Variants in PBX3 observed in about 807,000 individuals in gnomAD.
PBX3 encodes pre-B-cell leukemia transcription factor 3.
A neutral mutation model predicts 48.5 loss-of-function variants in PBX3; 14 were observed. The observed-to-expected ratio is 0.29, with a 90% CI of 0.19 to 0.45. PBX3 has a LOEUF of 0.45. PBX3 is among the 20% of genes least tolerant of loss of function. The pLI, the probability that PBX3 is intolerant of heterozygous loss-of-function variation, is 1.00. For synonymous variants in PBX3, 210 were observed against 200.3 expected (o/e 1.05, Z -0.41); for missense variants, 386 against 546.7 (o/e 0.71, Z 2.93).
chr9:125,915,621 C>A, intron 2 of PBX3, 65 bp from the exon 3 acceptor site: 1 of 1,234,054 alleles, frequency 8.1e-7, no homozygotes, highest in Non-Finnish European at 1.1e-6. Flanking sequence ...AAACAAAATA[C>A]TCACACTATT....
intron 2 of PBX3, among the ~76,000 whole-genome samples, chr9:125,876,912 G>C (rs558404150): frequency 6.6e-6 from 1 of 151,626 alleles, no homozygotes; most frequent in Admixed American, 6.6e-5. Flanking sequence ...AGCCTCCCAG[G>C]TAGCTGGCAT....
intron 2 of PBX3, among the ~76,000 whole-genome samples, chr9:125,910,915 G>C (rs1466100376): frequency 1.3e-5 from 2 of 151,986 alleles, no homozygotes; most frequent in African/African-American, 4.8e-5. Flanking sequence ...AAATATTCCA[G>C]ATCTTTCTCT....
intron 2 of PBX3, among the ~76,000 whole-genome samples, chr9:125,761,529 T>A (rs1443535211): frequency 1.3e-5 from 2 of 152,122 alleles, no homozygotes; most frequent in Admixed American, 1.3e-4. Flanking sequence ...TCAGGTGTAT[T>A]ATGGCTTTTG....
intron 3 of PBX3, among the ~76,000 whole-genome samples, chr9:125,928,412 G>A (rs1028175968): frequency 8.1e-5 from 12 of 148,288 alleles, no homozygotes; most frequent in African/African-American, 3.1e-4. Context: ...GTGTGTGTGT[G>A]TGTGTGTGTG....
intron 3 of PBX3, among the ~76,000 whole-genome samples, chr9:125,920,654 T>C (rs1029772961): frequency 2.0e-5 from 3 of 152,248 alleles, no homozygotes; most frequent in Non-Finnish European, 4.4e-5. Flanking sequence ...ACTATAATTA[T>C]ATTGAAATAC....
intron 2 of PBX3, among the ~76,000 whole-genome samples, chr9:125,897,816 A>T (rs900641276): frequency 6.6e-6 from 1 of 151,856 alleles, no homozygotes; most frequent in African/African-American, 2.4e-5. Context: ...TAACTACATG[A>T]ATATATATTT....
At chr9:125,798,461 C>T (rs1837846445) in intron 2 of PBX3, among the ~76,000 whole-genome samples, 1 of 151,852 alleles carries the variant, frequency 6.6e-6, no homozygotes, top group African/African-American at 2.4e-5. Context: ...ACTAAGGATC[C>T]TTTTCTTCTC....
chr9:125,828,364 T>C (rs1396128438), intron 2 of PBX3, among the ~76,000 whole-genome samples: 8 of 152,200 alleles, frequency 5.3e-5, no homozygotes, highest in Non-Finnish European at 1.5e-5. Context: ...TTAAACATAA[T>C]TTATTAGGAA....
At chr9:125,836,058 C>A (rs565161153) in intron 2 of PBX3, among the ~76,000 whole-genome samples, 2 of 152,242 alleles carry the variant, frequency 1.3e-5, no homozygotes, top group African/African-American at 4.8e-5. Flanking sequence ...TTTGTAACAA[C>A]ATGGATGGAA....
intron 2 of PBX3, among the ~76,000 whole-genome samples, chr9:125,850,067 T>C (rs921732051): frequency 3.9e-5 from 6 of 152,030 alleles, no homozygotes; most frequent in Non-Finnish European, 7.4e-5. Flanking sequence ...TAAATATATA[T>C]TTAGATGAAC....
chr9:125,750,779 C>A (rs1836351971), intron 2 of PBX3, among the ~76,000 whole-genome samples: 1 of 152,212 alleles, frequency 6.6e-6, no homozygotes, highest in African/African-American at 2.4e-5. Context: ...GTAGAGGCAT[C>A]TTCCTGCTAG....
At chr9:125,828,099 T>G (rs1417558083) in intron 2 of PBX3, among the ~76,000 whole-genome samples, 1 of 152,168 alleles carries the variant, frequency 6.6e-6, no homozygotes, top group African/African-American at 2.4e-5. Context: ...TTTGTATTTT[T>G]AGGAGTACTA....
At chr9:125,814,565 T>G (rs1210559208) in intron 2 of PBX3, among the ~76,000 whole-genome samples, 1 of 152,174 alleles carries the variant, frequency 6.6e-6, no homozygotes, top group Non-Finnish European at 1.5e-5. Flanking sequence ...TCTAACTATC[T>G]GAAAATAACC....
chr9:125,781,574 A>G (rs1031514741), intron 2 of PBX3, among the ~76,000 whole-genome samples: 9 of 143,710 alleles, frequency 6.3e-5, no homozygotes, highest in African/African-American at 2.2e-4. Flanking sequence ...GCGAGAGGGG[A>G]GAGGGGAGAG....
chr9:125,810,904 A>T (rs1300668791), intron 2 of PBX3, among the ~76,000 whole-genome samples: 2 of 152,134 alleles, frequency 1.3e-5, no homozygotes, highest in African/African-American at 2.4e-5. Flanking sequence ...CCAAGATGCG[A>T]GGTGTGGTAT....
intron 6 of PBX3, among the ~76,000 whole-genome samples, chr9:125,961,390 T>G (rs1338494916): frequency 6.6e-6 from 1 of 152,218 alleles, no homozygotes; most frequent in African/African-American, 2.4e-5. Context: ...CATGCAAGAT[T>G]CTTGGATCCT....
chr9:125,840,142 T>G (rs975836282), intron 2 of PBX3, among the ~76,000 whole-genome samples: 1 of 152,140 alleles, frequency 6.6e-6, no homozygotes, highest in Non-Finnish European at 1.5e-5. Flanking sequence ...AGATTAATAA[T>G]TGTGACTTGT....
intron 2 of PBX3, among the ~76,000 whole-genome samples, chr9:125,879,569 G>A (rs1017674008): frequency 1.3e-5 from 2 of 152,092 alleles, no homozygotes; most frequent in Admixed American, 1.3e-4. Flanking sequence ...CAGAAATATA[G>A]GGCTGACTTC....
At chr9:125,807,303 A>G (rs1269738366) in intron 2 of PBX3, among the ~76,000 whole-genome samples, 1 of 152,070 alleles carries the variant, frequency 6.6e-6, no homozygotes, top group Admixed American at 6.6e-5. Flanking sequence ...ACTGCATTCC[A>G]CCCTGGGTGA....
Sources: allele counts gnomAD v4.1 joint callset (sites outside exome capture counted in the v4.1 genomes callset), GRCh38; gene constraint gnomAD v4.1.1; transcripts MANE v1.5; gene names NCBI Gene and HGNC (gene_info 2026-07-23, HGNC 2026-07-21).